PHF19: variants seen among roughly 807,000 people sequenced by gnomAD.
PHF19 encodes the protein PHD finger protein 19, also known as polycomb like 3.
In PHF19, 21 loss-of-function variants were observed where a neutral mutation model predicts 79.8. That is an observed-to-expected ratio of 0.26 (90% CI 0.19 to 0.38). The LOEUF (loss-of-function observed/expected upper bound fraction) is 0.38, where lower values mean the gene tolerates loss of function less well. PHF19 is among the 10% of genes least tolerant of loss of function. The pLI is 1.00. For synonymous variants in PHF19, 273 were observed against 296.3 expected, an observed-to-expected ratio of 0.92 and a Z score of 0.81; for missense variants, 445 against 744.2, an observed-to-expected ratio of 0.60 and a Z score of 4.68.
At chr9:120,868,965 C>T (rs1362617153) in intron 6 of PHF19, 7 of 317,004 alleles carry the variant, frequency 2.2e-5, no homozygotes, top group Non-Finnish European at 3.1e-5. Flanking sequence ...AGCGGCTGAC[C>T]CCCCCCTCCC....
the PHF19 span, among the ~76,000 whole-genome samples, chr9:120,902,043 GCAGA>G: frequency 2.1e-3 from 314 of 152,316 alleles, 1 homozygote; most frequent in African/African-American, 7.4e-3. Flanking sequence ...TATACACAGT[GCAGA>G]CAGTTTCCCC....
In PHF19 at chr9:120,869,111, A is replaced by T; in HGVS notation, c.614+71T>A. On this transcript the variant is annotated intron_variant, in intron 6 of 14. Transcript: ENST00000373896. The surrounding 1 kb of genome is among the most constrained non-coding windows in gnomAD (Gnocchi z 5.8). ...GGCTGACACGCCAGGCTCGCTCCCTATGGGCGGTCCCTGCTGGCGATTCTT... is the reference window on the plus strand; with the variant it reads ...GGCTGACACGCCAGGCTCGCTCCCTTTGGGCGGTCCCTGCTGGCGATTCTT... The T allele has an allele frequency of 6.7e-7, 1 of 1,484,036 alleles. No homozygotes were observed. The highest frequency in any genetic ancestry group is 9.1e-7 in the Non-Finnish European group (1 of 1,104,308). The allele number at this position is 1,484,036 out of a possible 1,614,324, so 91.9% of individuals were successfully genotyped here.
At chr9:120,861,381 C>A (rs13292172) in intron 12 of PHF19, among the ~76,000 whole-genome samples, 2 of 152,240 alleles carry the variant, frequency 1.3e-5, no homozygotes, top group Admixed American at 1.3e-4. Context: ...GTACGACCTT[C>A]ACGTCTCTGG....
At position 120,869,620 on chromosome 9, in the gene PHF19, G is replaced by T; in HGVS notation, c.465+225C>A. ...TTTAATAGTAAAGCATCATTTATTG[G>T]TCCCGTTATTCCCGACACCAAACCC... On this transcript the variant is annotated intron_variant, in intron 5 of 14. Transcript: ENST00000373896. This position sits in a 1 kb window ranked among gnomAD's most constrained non-coding sequence, Gnocchi z 5.8. 2 of 1,511,232 alleles carry T rather than the reference G, an allele frequency of 1.3e-6. No individual in the cohort carries two copies. The highest frequency in any genetic ancestry group is 1.8e-6 in the Non-Finnish European group (2 of 1,126,070). 93.6% of individuals were successfully genotyped at this position (1,511,232 alleles called of 1,614,324 possible).
intron 3 of PHF19, 80 bp downstream of exon 3, chr9:120,873,899 A>G (rs1393946728): frequency 2.0e-5 from 15 of 751,898 alleles, no homozygotes; most frequent in Non-Finnish European, 3.6e-5. Context: ...AGATGGAAGG[A>G]CAGAAGGAAG....
chr9:120,884,563 A>G (rs2046237213), intron 1 of PHF19, among the ~76,000 whole-genome samples: 1 of 152,198 alleles, frequency 6.6e-6, no homozygotes, highest in Admixed American at 6.5e-5. Context: ...GTATGATTCA[A>G]CTAGTATTGG....
At chr9:120,877,385 G>T, upstream of PHF19, 1 of 979,750 alleles carries the variant, frequency 1.0e-6, no homozygotes, top group Non-Finnish European at 1.2e-6. Flanking sequence ...GGCCGCGCCG[G>T]CCTCGCCATT....
intron 1 of PHF19, among the ~76,000 whole-genome samples, chr9:120,889,444 G>T (rs1271934891): frequency 6.8e-6 from 1 of 146,018 alleles, no homozygotes; most frequent in Non-Finnish European, 1.5e-5. Context: ...AAAAAAAAAA[G>T]GACCAAGGTA....
In PHF19 at chr9:120,857,809, G is replaced by A; in HGVS notation, c.*135C>T. ...AGGCCTTGGCCTGGCAGGCAGGCAG[G>A]CAGGGCATTCTGCCAGGCACTTGCA... On this transcript the variant is annotated 3_prime_UTR_variant, in exon 15 of 15. Transcript: ENST00000373896. The A allele has an allele frequency of 1.7e-6, 1 of 601,272 alleles. No homozygotes were observed. The highest frequency in any genetic ancestry group is 2.9e-6 in the Non-Finnish European group (1 of 345,116). 37.2% of individuals were successfully genotyped at this position (601,272 alleles called of 1,614,324 possible). A position where few individuals can be genotyped will look rare whatever the true frequency, so the allele number is the denominator to read the frequency against.
At position 120,874,696 on chromosome 9, in the gene PHF19, C is replaced by T; in HGVS notation, c.46G>A (p.Ala16Thr). 6.2e-7 allele frequency: 1 copy of T among 1,613,764 alleles called. No homozygotes were observed. The highest frequency in any genetic ancestry group is 1.7e-5 in the Admixed American group (1 of 60,016). ...LDPGTRDSYGATSHLPNKGAL... is the reference protein window; with the variant it reads ...LDPGTRDSYGTTSHLPNKGAL... ...CCCTTGTTGGGGAGGTGGCTGGTGG[C>T]ACCATAGGAGTCCCGAGTCCCTGGA... is the stretch of plus-strand genomic sequence containing the variant. Residue 16 changes from alanine to threonine, a missense_variant, in exon 2 of 15, where the codon GCC (alanine) becomes ACC (threonine). Transcript: ENST00000373896. This position sits in a 1 kb window ranked among gnomAD's most constrained non-coding sequence, Gnocchi z 4.5.
intron 1 of PHF19, among the ~76,000 whole-genome samples, chr9:120,882,669 C>T (rs1475608079): frequency 6.6e-6 from 1 of 151,870 alleles, no homozygotes; most frequent in Non-Finnish European, 1.5e-5. Context: ...TGATGAAACC[C>T]CATCTTTACT....
Position 120,862,573 on chromosome 9 carries a change from TC to T in PHF19, c.1130+14del. 6.2e-7 allele frequency: 1 copy of T among 1,609,914 alleles called. No individual in the cohort carries two copies. The highest frequency in any genetic ancestry group is 8.5e-7 in the Non-Finnish European group (1 of 1,177,712). The stretch of plus-strand genomic sequence containing the variant: ...TTTGGCGGCAGCCCTGGCCCCTGGG[TC>T]CCCGAGCACTGACCCAGGCTTGCTC... On this transcript the variant is annotated intron_variant, in intron 11 of 14. Coordinates refer to ENST00000373896, the MANE Select transcript of PHF19 (RefSeq NM_015651.3). This position sits in a 1 kb window ranked among gnomAD's most constrained non-coding sequence, Gnocchi z 4.6.
rs938884127 is a variant in PHF19, at chr9:120,871,581, T to C, written c.269-1043A>G. Among the ~76,000 whole-genome samples the C allele has an allele frequency of 2.0e-5, 3 of 152,126 alleles. No homozygotes were observed. The South Asian group carries it at 6.2e-4, about 31-fold the overall frequency. ...TGGCTGATGTTTTTAAAATTGCTTT[T>C]AGTCTACAGGTCCCCTCTCCATCTC... On this transcript the variant is annotated intron_variant, in intron 3 of 14. Coordinates refer to ENST00000373896, the MANE Select transcript of PHF19 (RefSeq NM_015651.3).
Position 120,862,571 on chromosome 9 carries a change from G to C in PHF19, c.1130+17C>G. On this transcript the variant is annotated intron_variant, in intron 11 of 14. Transcript: ENST00000373896. The surrounding 1 kb of genome is among the most constrained non-coding windows in gnomAD (Gnocchi z 4.6). ...AGTTTGGCGGCAGCCCTGGCCCCTG[G>C]GTCCCCGAGCACTGACCCAGGCTTG... is the stretch of plus-strand genomic sequence containing the variant. The C allele has an allele frequency of 1.9e-6, 3 of 1,609,304 alleles. No homozygotes were observed. Among genetic ancestry groups the C allele is most frequent in the Non-Finnish European group, 2.5e-6 (3 of 1,177,278 alleles).
At chr9:120,858,444 C>G (rs2045410494) in intron 14 of PHF19, among the ~76,000 whole-genome samples, 158 bp from the exon 15 acceptor site, 1 of 152,164 alleles carries the variant, frequency 6.6e-6, no homozygotes, top group South Asian at 2.1e-4. Flanking sequence ...CTCAAAGGTG[C>G]CTGTTATGTA....
rs771993638 is a variant in PHF19 at position 120,866,192 on chromosome 9, C to A, written c.711-96G>T. On this transcript the variant is annotated intron_variant, in intron 7 of 14. Transcript: ENST00000373896. This position sits in a 1 kb window ranked among gnomAD's most constrained non-coding sequence, Gnocchi z 5.2. The stretch of plus-strand genomic sequence containing the variant: ...GATCTCCTCATTCCCCACCTACCTT[C>A]CCATAATCTTCTCACTCCTAGGACT... 24 of 897,464 alleles carry A rather than the reference C, an allele frequency of 2.7e-5. No individual in the cohort carries two copies. Among genetic ancestry groups the A allele is most frequent in the Non-Finnish European group, 4.1e-5 (22 of 535,460 alleles). 55.6% of individuals were successfully genotyped at this position (897,464 alleles called of 1,614,324 possible). A position where few individuals can be genotyped will look rare whatever the true frequency, so the allele number is the denominator to read the frequency against.
chr9:120,876,833 T>C (rs181823283), intron 1 of PHF19: 122 of 238,406 alleles, frequency 5.1e-4, no homozygotes, highest in African/African-American at 2.8e-3. Context: ...CCCACCCCGA[T>C]AGGAAAATTA....
rs1588092091 is a variant in PHF19, at chr9:120,861,812, A to T, written c.1218+106T>A. Reference sequence around the variant, plus strand: ...ATAGGGACTGGCTTCTTTAAGGGACATGAGAGAGTCCTCTGGGCCTGGGGG... The same window carrying T: ...ATAGGGACTGGCTTCTTTAAGGGACTTGAGAGAGTCCTCTGGGCCTGGGGG... On this transcript the variant is annotated intron_variant, in intron 12 of 14. Transcript: ENST00000373896. 17 of 806,142 alleles carry T rather than the reference A, an allele frequency of 2.1e-5. No individual in the cohort carries two copies. In the East Asian group the frequency reaches 4.1e-4, roughly 20 times the overall value. 49.9% of individuals were successfully genotyped at this position (806,142 alleles called of 1,614,324 possible).
chr9:120,885,593 A>C (rs911440629), intron 1 of PHF19, among the ~76,000 whole-genome samples: 5 of 118,006 alleles, frequency 4.2e-5, no homozygotes, highest in East Asian at 2.5e-4. Context: ...AAAAAAAAAA[A>C]AAACAAAGCA....
Sources: allele counts gnomAD v4.1 joint callset (sites outside exome capture counted in the v4.1 genomes callset), GRCh38; gene constraint gnomAD v4.1.1; non-coding constraint Gnocchi (gnomAD v3.1); transcripts MANE v1.5; gene names NCBI Gene and HGNC (gene_info 2026-07-23, HGNC 2026-07-21).